SLC39A14: variants seen among roughly 807,000 people sequenced by gnomAD.
SLC39A14 encodes solute carrier family 39 member 14, also known as metal cation symporter ZIP14.
A neutral mutation model predicts 45.5 loss-of-function variants in SLC39A14; 19 were observed. The observed-to-expected ratio is 0.42, with a 90% CI of 0.29 to 0.61. The LOEUF (loss-of-function observed/expected upper bound fraction) is 0.61. SLC39A14 is among the 20% of genes least tolerant of loss of function. The pLI is 0.22. For missense variants in SLC39A14, 447 were observed against 616.5 expected (o/e 0.73, Z 2.91); for synonymous variants, 264 against 251.3 (o/e 1.05, Z -0.48).
At chr8:22,427,764 G>A (rs1836409362) in intron 8 of SLC39A14, among the ~76,000 whole-genome samples, 1 of 152,234 alleles carries the variant, frequency 6.6e-6, no homozygotes, top group Non-Finnish European at 1.5e-5. Context: ...GAACAGGAGA[G>A]AGAGATGGAA....
chr8:22,431,215 C>G (rs568918604), intron 8 of SLC39A14, among the ~76,000 whole-genome samples: 1 of 151,812 alleles, frequency 6.6e-6, no homozygotes, highest in Non-Finnish European at 1.5e-5. Flanking sequence ...TCTCGATCGC[C>G]TGACCTCATG....
chr8:22,369,628 C>T (rs79677354), intron 1 of SLC39A14, among the ~76,000 whole-genome samples: 2,473 of 152,274 alleles, frequency 0.016, 35 homozygotes, highest in South Asian at 0.045. Flanking sequence ...GTTCAGAGAG[C>T]GGGCATCCTT....
intron 7 of SLC39A14, 112 bp from the exon 8 acceptor site, chr8:22,417,539 A>C: frequency 1.1e-6 from 1 of 906,860 alleles, no homozygotes; most frequent in Non-Finnish European, 1.7e-6. Flanking sequence ...CCTGAGCTCA[A>C]ACAGTCCTCC....
intron 1 of SLC39A14, among the ~76,000 whole-genome samples, chr8:22,383,766 CA>C (rs1307594939): frequency 6.6e-6 from 1 of 152,162 alleles, no homozygotes; most frequent in African/African-American, 2.4e-5. Context: ...CCTGTCATCC[CA>C]GGCCCATGTG....
intron 1 of SLC39A14, among the ~76,000 whole-genome samples, chr8:22,381,224 G>A (rs11985700): frequency 0.011 from 1,723 of 152,056 alleles, 28 homozygotes; most frequent in African/African-American, 0.04. Flanking sequence ...TGCCCGCCTC[G>A]GCCTCCCAAC....
At chr8:22,406,849 C>G (rs573568295) in intron 2 of SLC39A14, among the ~76,000 whole-genome samples, 1 of 152,320 alleles carries the variant, frequency 6.6e-6, no homozygotes, top group African/African-American at 2.4e-5. Flanking sequence ...GCAGCAGCAT[C>G]TCGGGGTGGC....
chr8:22,387,520 TG>T (rs1833854791), intron 1 of SLC39A14, among the ~76,000 whole-genome samples: 1 of 152,160 alleles, frequency 6.6e-6, no homozygotes, highest in Non-Finnish European at 1.5e-5. Context: ...AAAGGGCAAG[TG>T]GAAATACATA....
At chr8:22,429,441 GGTATAA>G (rs904510570) in intron 8 of SLC39A14, among the ~76,000 whole-genome samples, 34 of 152,162 alleles carry the variant, frequency 2.2e-4, no homozygotes, top group Non-Finnish European at 4.0e-4. Context: ...TTATAAGGTA[GGTATAA>G]GTATAATGAG....
In SLC39A14 at chr8:22,421,906, T is replaced by G; in HGVS notation, c.*2208T>G. 1 of 985,422 alleles carries G rather than the reference T, an allele frequency of 1.0e-6. No homozygotes were observed. The highest frequency in any genetic ancestry group is 4.7e-5 in the South Asian group (1 of 21,292). 61.0% of individuals were successfully genotyped at this position (985,422 alleles called of 1,614,324 possible). The stretch of plus-strand genomic sequence containing the variant: ...CCTATATTACCTTAAGAAATTTCCT[T>G]CCATAGACAGCTGCCTCAAAGGGAA... On this transcript the variant is annotated 3_prime_UTR_variant, in exon 9 of 9. Coordinates refer to ENST00000381237, the MANE Select transcript of SLC39A14 (RefSeq NM_001128431.4).
chr8:22,405,592 A>G (rs191500141), intron 2 of SLC39A14, among the ~76,000 whole-genome samples: 20 of 152,264 alleles, frequency 1.3e-4, no homozygotes, highest in Non-Finnish European at 2.4e-4. Flanking sequence ...CACTTGAGTC[A>G]CTCAGAAATA....
At chr8:22,378,497 C>G (rs966114554) in intron 1 of SLC39A14, among the ~76,000 whole-genome samples, 1 of 152,170 alleles carries the variant, frequency 6.6e-6, no homozygotes, top group Non-Finnish European at 1.5e-5. Flanking sequence ...CCATTGCTGG[C>G]TACCAGGCAG....
At chr8:22,403,835 G>A (rs1236888067) in intron 1 of SLC39A14, among the ~76,000 whole-genome samples, 2 of 151,796 alleles carry the variant, frequency 1.3e-5, no homozygotes, top group East Asian at 2.0e-4. Flanking sequence ...GGAGAATTGC[G>A]TGAACCTGGG....
At chr8:22,432,957 G>A (rs1174095740) in intron 8 of SLC39A14, among the ~76,000 whole-genome samples, 2 of 150,942 alleles carry the variant, frequency 1.3e-5, no homozygotes, top group Non-Finnish European at 2.9e-5. Flanking sequence ...TCGGCCACCT[G>A]GCTAATTTTT....
chr8:22,390,714 T>C (rs1212516498), intron 1 of SLC39A14: 3 of 147,568 alleles, frequency 2.0e-5, no homozygotes, highest in Non-Finnish European at 4.5e-5. Flanking sequence ...AATTTTTAAC[T>C]TTTTTTTTTT....
intron 4 of SLC39A14, among the ~76,000 whole-genome samples, chr8:22,414,489 A>G (rs1835759125): frequency 6.6e-6 from 1 of 152,234 alleles, no homozygotes; most frequent in Non-Finnish European, 1.5e-5. Context: ...AGATAAATCA[A>G]AAGTGGAAAA....
chr8:22,413,327 AC>A (rs1835689572), intron 4 of SLC39A14, among the ~76,000 whole-genome samples: 1 of 152,176 alleles, frequency 6.6e-6, no homozygotes, highest in Non-Finnish European at 1.5e-5. Context: ...CATCGATAGA[AC>A]AAGTAACGTT....
intron 1 of SLC39A14, among the ~76,000 whole-genome samples, chr8:22,375,709 C>G (rs1382500548): frequency 6.6e-6 from 1 of 152,102 alleles, no homozygotes; most frequent in African/African-American, 2.4e-5. Context: ...AGACTGATCT[C>G]AAACTCGACC....
chr8:22,382,910 G>T lies in SLC39A14; in HGVS notation c.-16+15502G>T, dbSNP rs370213963. 2.6e-4 allele frequency among the ~76,000 whole-genome samples: 40 copies of T among 151,714 alleles called. 1 individual carries two copies. In the South Asian group the frequency reaches 8.1e-3, roughly 31 times the overall value. ...TTTTTTTTTTTTTGGTAGAGACGGG[G>T]TTTCACTATGTTGGCCAGGTTAGTC... On this transcript the variant is annotated intron_variant, in intron 1 of 8. Transcript: ENST00000381237.
intron 8 of SLC39A14, among the ~76,000 whole-genome samples, chr8:22,429,486 T>C (rs1014422279): frequency 1.3e-5 from 2 of 152,250 alleles, no homozygotes. Flanking sequence ...TTTTAGAAAT[T>C]AAAGCTCTGT....
Sources: gnomAD v4.1 joint callset for allele counts (sites outside exome capture counted in the v4.1 genomes callset) on GRCh38, gnomAD v4.1.1 for gene constraint, MANE v1.5 for transcripts, NCBI Gene and HGNC (gene_info 2026-07-23, HGNC 2026-07-21) for gene names.